The following SIPA1L2 variants were observed in gnomAD, a reference collection of about 807,000 sequenced individuals.
SIPA1L2 encodes signal-induced proliferation-associated 1-like protein 2.
Under a neutral mutation model 163.9 loss-of-function variants are expected in SIPA1L2, and 56 were observed. That is an observed-to-expected ratio of 0.34 (90% CI 0.28 to 0.43). The LOEUF (loss-of-function observed/expected upper bound fraction) is 0.43. Ranked by LOEUF, SIPA1L2 falls within the 20% of genes least tolerant of loss-of-function variation. The probability of loss-of-function intolerance (pLI) is 1.00; values close to 1 mark genes in which losing one functional copy is unlikely to be tolerated. For synonymous variants in SIPA1L2, 877 were observed against 865.7 expected, an observed-to-expected ratio of 1.01 and a Z score of -0.23; for missense variants, 1,974 against 2,193.5, an observed-to-expected ratio of 0.90 and a Z score of 2.00.
intron 10 of SIPA1L2, 100 bp from the exon 11 acceptor site, chr1:232,445,886 G>GT: frequency 2.2e-6 from 3 of 1,366,622 alleles, no homozygotes; most frequent in Non-Finnish European, 3.0e-6. Context: ...CACATGGTGT[G>GT]TGCCTCTCCC....
At chr1:232,432,128 A>C in intron 16 of SIPA1L2, 119 bp downstream of exon 16, 1 of 786,546 alleles carries the variant, frequency 1.3e-6, no homozygotes, top group Non-Finnish European at 2.0e-6. Context: ...AGTTTAAGAA[A>C]GATGTTTTTA....
chr1:232,602,198 T>A (rs1444187201), intron 1 of SIPA1L2, among the ~76,000 whole-genome samples: 1 of 152,028 alleles, frequency 6.6e-6, no homozygotes, highest in Non-Finnish European at 1.5e-5. Context: ...CCAACCTGGA[T>A]GAGAGGTGAG....
At chr1:232,433,058 C>T (rs1011214248) in intron 15 of SIPA1L2, among the ~76,000 whole-genome samples, 1 of 152,202 alleles carries the variant, frequency 6.6e-6, no homozygotes, top group South Asian at 2.1e-4. Flanking sequence ...AGGGCGCACA[C>T]ACACAGCAAA....
chr1:232,534,026 GA>G (rs201309367), intron 2 of SIPA1L2, among the ~76,000 whole-genome samples: 1 of 149,282 alleles, frequency 6.7e-6, no homozygotes, highest in South Asian at 2.1e-4. Context: ...TGTTGAAATA[GA>G]AAAAAAAACT....
intron 18 of SIPA1L2, among the ~76,000 whole-genome samples, chr1:232,419,168 C>A (rs1661427685): frequency 6.6e-6 from 1 of 152,088 alleles, no homozygotes; most frequent in Non-Finnish European, 1.5e-5. Flanking sequence ...TAATGAAGAG[C>A]ATAGTTTAGG....
At chr1:232,461,979 C>A (rs1217724126) in intron 9 of SIPA1L2, among the ~76,000 whole-genome samples, 1 of 152,122 alleles carries the variant, frequency 6.6e-6, no homozygotes, top group African/African-American at 2.4e-5. Flanking sequence ...GCAGACAGAC[C>A]CTCTGTGCTT....
intron 22 of SIPA1L2, among the ~76,000 whole-genome samples, chr1:232,399,915 A>G (rs1013583983): frequency 6.6e-6 from 1 of 152,156 alleles, no homozygotes; most frequent in Non-Finnish European, 1.5e-5. Context: ...GATTGTAATA[A>G]TCGGTATTTC....
At chr1:232,461,803 T>C (rs1664250877) in intron 9 of SIPA1L2, among the ~76,000 whole-genome samples, 2 of 152,206 alleles carry the variant, frequency 1.3e-5, no homozygotes, top group Non-Finnish European at 1.5e-5. Flanking sequence ...CCTAGGGACA[T>C]ACTGTGGAGT....
intron 10 of SIPA1L2, among the ~76,000 whole-genome samples, chr1:232,454,757 C>A (rs538572429): frequency 6.6e-6 from 1 of 152,272 alleles, no homozygotes. Context: ...AACACGTGGG[C>A]ACTGAAGTGT....
chr1:232,426,655 G>C (rs1008135160), intron 17 of SIPA1L2, among the ~76,000 whole-genome samples: 11 of 151,580 alleles, frequency 7.3e-5, no homozygotes, highest in African/African-American at 2.2e-4. Flanking sequence ...GCAAGACTCC[G>C]TCTTGGAAAA....
intron 1 of SIPA1L2, among the ~76,000 whole-genome samples, chr1:232,575,451 G>C (rs572062475): frequency 6.6e-6 from 1 of 152,304 alleles, no homozygotes; most frequent in Non-Finnish European, 1.5e-5. Flanking sequence ...ATGAAGGACA[G>C]AAACAGTAGA....
intron 10 of SIPA1L2, among the ~76,000 whole-genome samples, chr1:232,447,969 A>G (rs1239164545): frequency 6.6e-6 from 1 of 152,240 alleles, no homozygotes; most frequent in Admixed American, 6.5e-5. Context: ...GAAAAGCACA[A>G]TTAGTAAAAG....
intron 18 of SIPA1L2, among the ~76,000 whole-genome samples, chr1:232,419,352 T>G (rs1386184558): frequency 6.6e-6 from 1 of 152,210 alleles, no homozygotes; most frequent in African/African-American, 2.4e-5. Context: ...ATCATGTAAC[T>G]GGGAAAATTA....
chr1:232,582,916 T>C (rs1460509296), intron 1 of SIPA1L2, among the ~76,000 whole-genome samples: 5 of 152,182 alleles, frequency 3.3e-5, no homozygotes, highest in African/African-American at 7.2e-5. Flanking sequence ...AAACAAGATA[T>C]ATAAGGAAGA....
At chr1:232,458,947 A>G (rs1664077455) in intron 10 of SIPA1L2, among the ~76,000 whole-genome samples, 1 of 152,244 alleles carries the variant, frequency 6.6e-6, no homozygotes, top group Non-Finnish European at 1.5e-5. Context: ...AGGCAAGGCA[A>G]TAAGAAACAT....
intron 1 of SIPA1L2, among the ~76,000 whole-genome samples, chr1:232,594,436 G>A (rs1661138154): frequency 6.6e-6 from 1 of 152,036 alleles, no homozygotes; most frequent in Admixed American, 6.5e-5. Flanking sequence ...TGAACACCGA[G>A]CGGAGCCAGG....
chr1:232,521,164 T>A (rs2103060130), intron 2 of SIPA1L2, among the ~76,000 whole-genome samples: 1 of 152,316 alleles, frequency 6.6e-6, no homozygotes. Context: ...ACCAGCAGAA[T>A]TCTCCTCTTT....
At chr1:232,467,932 C>A (rs953079157) in intron 8 of SIPA1L2, among the ~76,000 whole-genome samples, 5 of 152,118 alleles carry the variant, frequency 3.3e-5, no homozygotes. Context: ...TTTTGTGTAT[C>A]CAATTATAGA....
At chr1:232,430,855 C>T (rs892403657) in intron 16 of SIPA1L2, among the ~76,000 whole-genome samples, 3 of 152,206 alleles carry the variant, frequency 2.0e-5, no homozygotes, top group Non-Finnish European at 4.4e-5. Flanking sequence ...ATTTGCCCTT[C>T]CATACCACAG....
Sources: allele counts gnomAD v4.1 joint callset (sites outside exome capture counted in the v4.1 genomes callset), GRCh38; gene constraint gnomAD v4.1.1; transcripts MANE v1.5; gene names NCBI Gene and HGNC (gene_info 2026-07-23, HGNC 2026-07-21).